MCPH1: variants seen among roughly 807,000 people sequenced by gnomAD.
MCPH1 encodes the protein microcephalin 1.
MCPH1 carries 104 observed loss-of-function variants against 84.5 expected under a neutral mutation model. That is an observed-to-expected ratio of 1.23 (90% CI 1.05 to 1.45). The LOEUF is 1.45. MCPH1 is among the 40% of genes most tolerant of loss of function. The pLI is 0.00. For synonymous variants in MCPH1, 514 were observed against 366.8 expected (o/e 1.40, Z -4.58); for missense variants, 1,498 against 1,005.7 (o/e 1.49, Z -6.62).
chr8:6,547,351 T>C (rs540676023), intron 12 of MCPH1, among the ~76,000 whole-genome samples: 2 of 152,154 alleles, frequency 1.3e-5, no homozygotes, highest in East Asian at 3.9e-4. Flanking sequence ...GTCCGCCCCC[T>C]CTCTTTAACC....
At chr8:6,508,914 A>C (rs754911368) in intron 12 of MCPH1, 3 of 1,614,086 alleles carry the variant, frequency 1.9e-6, no homozygotes, top group Non-Finnish European at 2.5e-6. Context: ...AAATAGGAAG[A>C]CAGAAAGTCA....
intron 12 of MCPH1, among the ~76,000 whole-genome samples, chr8:6,506,576 G>T (rs1269562624): frequency 6.6e-6 from 1 of 152,206 alleles, no homozygotes; most frequent in Non-Finnish European, 1.5e-5. Flanking sequence ...AGGAAACAAA[G>T]TCCTAGGTGT....
Position 6,575,575 on chromosome 8 carries a change from C to G in MCPH1, c.2215-45879C>G, listed in dbSNP as rs565923026. Among the ~76,000 whole-genome samples the G allele has an allele frequency of 1.4e-4, 21 of 152,314 alleles. No homozygotes were observed. In the South Asian group the frequency reaches 4.4e-3, roughly 32 times the overall value. Reference sequence around the variant, plus strand: ...CATGCAACTCTTCATAAATTTGTCACTTCTTTGAAGGTCCTTGTTATGAGT... The same window carrying G: ...CATGCAACTCTTCATAAATTTGTCAGTTCTTTGAAGGTCCTTGTTATGAGT... On this transcript the variant is annotated intron_variant, in intron 12 of 13. Coordinates refer to ENST00000344683, the MANE Select transcript of MCPH1 (RefSeq NM_024596.5).
chr8:6,622,207 C>T (rs1020244354), intron 13 of MCPH1: 1 of 196,612 alleles, frequency 5.1e-6, no homozygotes, highest in Non-Finnish European at 1.1e-5. Flanking sequence ...AAAGTGAGCA[C>T]AGTGTGACCG....
rs1385907231 is a variant in MCPH1 at position 6,455,195 on chromosome 8, C to T, written c.1878C>T (p.Gly626=). 1 of 1,613,878 alleles carries T rather than the reference C, an allele frequency of 6.2e-7. No individual in the cohort carries two copies. Among genetic ancestry groups the T allele is most frequent in the East Asian group, 2.2e-5 (1 of 44,854 alleles). The change falls in exon 9 of 14, where the codon GGC becomes GGT. Residue 626 remains glycine, a synonymous_variant. Coordinates refer to ENST00000344683, the MANE Select transcript of MCPH1 (RefSeq NM_024596.5). ...ATGTTTTAGATGACTCATGTGACGG[C>T]TTTAAGGACCTCATCAAACCTCATG... ...RHDVLDDSCD[G]FKDLIKPHEE... is the part of the protein sequence containing the mutation.
chr8:6,414,671 A>G, intron 2 of MCPH1, 94 bp from the exon 3 acceptor site: 1 of 1,388,056 alleles, frequency 7.2e-7, no homozygotes, highest in East Asian at 2.4e-5. Context: ...GATGTTGAGA[A>G]ACAGAATTGC....
chr8:6,544,212 G>A (rs1187618313), intron 12 of MCPH1, among the ~76,000 whole-genome samples: 2 of 152,190 alleles, frequency 1.3e-5, no homozygotes, highest in Non-Finnish European at 2.9e-5. Flanking sequence ...TTCAAATGTT[G>A]ATAGTGAAGC....
intron 12 of MCPH1, chr8:6,502,787 G>A (rs937776526): frequency 2.8e-6 from 1 of 353,144 alleles, no homozygotes; most frequent in African/African-American, 2.1e-5. Flanking sequence ...TGATAAACTT[G>A]CACATAACAT....
Position 6,477,607 on chromosome 8 carries a change from T to G in MCPH1, c.1949T>G (p.Leu650Ter). ...SGRGKKPTRT[L>*]VMTSMPSEKQ... The stretch of plus-strand genomic sequence containing the variant: ...TGAAATCTCTAGCCAACAAGAACAT[T>G]AGTCATGACAAGCATGCCATCTGAG... The change falls in exon 10 of 14, where the codon TTA becomes TGA. Residue 650 changes from leucine (L) to a stop codon, truncating the protein, a stop_gained. Transcript: ENST00000344683. LOFTEE classifies it high-confidence loss of function. The G allele has an allele frequency of 6.2e-7, 1 of 1,613,226 alleles. No homozygotes were observed. The highest frequency in any genetic ancestry group is 8.5e-7 in the Non-Finnish European group (1 of 1,179,460).
intron 9 of MCPH1, chr8:6,473,814 G>A (rs751829222): frequency 4.8e-5 from 59 of 1,223,904 alleles, no homozygotes; most frequent in Non-Finnish European, 6.4e-5. Flanking sequence ...ATCAGCAAGA[G>A]TGATTGTAAA....
intron 12 of MCPH1, chr8:6,562,767 G>A: frequency 6.2e-7 from 1 of 1,613,916 alleles, no homozygotes; most frequent in Non-Finnish European, 8.5e-7. Context: ...AGGGGCTGGA[G>A]GAAGAGCGGC....
intron 11 of MCPH1, among the ~76,000 whole-genome samples, chr8:6,491,407 T>G (rs1810569425): frequency 6.6e-6 from 1 of 151,112 alleles, no homozygotes; most frequent in Admixed American, 6.6e-5. Flanking sequence ...TGCTAAAGAT[T>G]ATTATTAGGA....
At chr8:6,419,475 C>T (rs184399299) in intron 3 of MCPH1, among the ~76,000 whole-genome samples, 62 of 152,038 alleles carry the variant, frequency 4.1e-4, no homozygotes, top group Non-Finnish European at 6.9e-4. Context: ...TCACTGTAAG[C>T]TCTGCCTCCC....
chr8:6,425,271 A>ATGTC (rs1800891481), intron 3 of MCPH1, among the ~76,000 whole-genome samples: 1 of 152,180 alleles, frequency 6.6e-6, no homozygotes, highest in African/African-American at 2.4e-5. Flanking sequence ...ACATCTCTTG[A>ATGTC]AACACTTTTC....
In MCPH1 at chr8:6,444,483, C is replaced by T; in HGVS notation, c.761C>T (p.Ser254Phe). The change falls in exon 8 of 14, where the codon TCC (serine) becomes TTC (phenylalanine). Residue 254 changes from serine (S) to phenylalanine (F), a missense_variant. By Grantham distance (155) the Ser-to-Phe change is radical (BLOSUM62 -2). Coordinates refer to ENST00000344683, the MANE Select transcript of MCPH1 (RefSeq NM_024596.5). ...CGNQERKLEG[S>F]INDIKSDVCI... is the part of the protein sequence containing the mutation. Reference sequence around the variant, plus strand: ...AATCAGGAAAGGAAGTTGGAAGGATCCATTAATGACATTAAAAGTGATGTG... The same window carrying T: ...AATCAGGAAAGGAAGTTGGAAGGATTCATTAATGACATTAAAAGTGATGTG... 6.2e-7 allele frequency: 1 copy of T among 1,614,108 alleles called. No individual in the cohort carries two copies. Among genetic ancestry groups the T allele is most frequent in the Non-Finnish European group, 8.5e-7 (1 of 1,180,000 alleles).
intron 6 of MCPH1, among the ~76,000 whole-genome samples, chr8:6,440,662 T>G (rs1258564911): frequency 1.3e-5 from 2 of 152,228 alleles, no homozygotes; most frequent in Non-Finnish European, 2.9e-5. Context: ...GTCGGAAGCT[T>G]GAAAAACTGG....
intron 12 of MCPH1, among the ~76,000 whole-genome samples, chr8:6,594,286 T>A (rs1055860492): frequency 2.0e-5 from 3 of 152,228 alleles, no homozygotes; most frequent in Non-Finnish European, 4.4e-5. Context: ...CAGAGCGCCA[T>A]GAGCCGGGTG....
intron 12 of MCPH1, among the ~76,000 whole-genome samples, chr8:6,578,773 A>T (rs974383900): frequency 6.6e-6 from 1 of 152,216 alleles, no homozygotes; most frequent in Non-Finnish European, 1.5e-5. Context: ...AGGCAGATCA[A>T]TGTAAAGGCA....
Position 6,562,762 on chromosome 8 carries a change from C to A in MCPH1, c.2215-58692C>A, listed in dbSNP as rs1171913210. The A allele has an allele frequency of 3.1e-6, 5 of 1,613,778 alleles. No individual in the cohort carries two copies. In the African/African-American group the frequency reaches 6.7e-5, roughly 22 times the overall value. On this transcript the variant is annotated intron_variant, in intron 12 of 13. Transcript: ENST00000344683. ...CTGCACAGCATTGGACACGTAGGGG[C>A]TGGAGGAAGAGCGGCAGTTGTCCAT... is the stretch of plus-strand genomic sequence containing the variant.
Sources: gnomAD v4.1 joint callset for allele counts (sites outside exome capture counted in the v4.1 genomes callset) on GRCh38, gnomAD v4.1.1 for gene constraint, MANE v1.5 for transcripts, NCBI Gene and HGNC (gene_info 2026-07-23, HGNC 2026-07-21) for gene names.